Variants in CHRNB4 observed in about 807,000 individuals in gnomAD.
The protein encoded by CHRNB4 is neuronal acetylcholine receptor subunit beta-4.
A neutral mutation model predicts 40.4 loss-of-function variants in CHRNB4; 23 were observed. The observed-to-expected ratio is 0.57, with a 90% CI of 0.41 to 0.81. The LOEUF (loss-of-function observed/expected upper bound fraction) is 0.81. Among genes scored for constraint, CHRNB4 ranks in the 30% least tolerant of loss-of-function variants. The probability of loss-of-function intolerance (pLI) is 0.00; values close to 1 mark genes in which losing one functional copy is unlikely to be tolerated. For synonymous variants in CHRNB4, 285 were observed against 274.4 expected, an observed-to-expected ratio of 1.04 and a Z score of -0.38; for missense variants, 568 against 670.6, an observed-to-expected ratio of 0.85 and a Z score of 1.69.
chr15:78,653,092 A>G (rs561173241), intron 5 of CHRNB4, among the ~76,000 whole-genome samples: 8 of 152,304 alleles, frequency 5.3e-5, no homozygotes, highest in African/African-American at 1.9e-4. Flanking sequence ...AGCAGATAGC[A>G]CACCACCCCT....
At chr15:78,660,835 A>G (rs774362207), upstream of CHRNB4, 3 of 312,056 alleles carry the variant, frequency 9.6e-6, no homozygotes, top group Non-Finnish European at 1.9e-5. Context: ...GTGGGTAATT[A>G]TCTCAGCGGT....
intron 7 of CHRNB4, among the ~76,000 whole-genome samples, chr15:78,647,580 C>G (rs908089187): frequency 9.2e-5 from 14 of 151,406 alleles, no homozygotes; most frequent in Admixed American, 5.9e-4. Context: ...GGTGCAGTGG[C>G]TCACGCCTGT....
chr15:78,644,458 C>A (rs775983691), upstream of CHRNB4, among the ~76,000 whole-genome samples: 1 of 152,034 alleles, frequency 6.6e-6, no homozygotes, highest in South Asian at 2.1e-4. Flanking sequence ...TCCAGAGGAG[C>A]CAGCATTCAA....
intron 1 of CHRNB4, among the ~76,000 whole-genome samples, chr15:78,659,815 A>G (rs1380277072): frequency 1.3e-5 from 2 of 152,196 alleles, no homozygotes; most frequent in Non-Finnish European, 2.9e-5. Context: ...ATGTGACATG[A>G]TTGCTTTAAT....
chr15:78,638,571 C>A (rs1411214088), intron 1 of CHRNB4, among the ~76,000 whole-genome samples: 1 of 151,788 alleles, frequency 6.6e-6, no homozygotes, highest in Non-Finnish European at 1.5e-5. Flanking sequence ...CTGTCCCGGG[C>A]AGTGTGTGCC....
intron 6 of CHRNB4, among the ~76,000 whole-genome samples, chr15:78,652,067 G>C (rs28777080): frequency 0.017 from 2,514 of 152,300 alleles, 72 homozygotes; most frequent in African/African-American, 0.057. Context: ...GAAGGAGTTT[G>C]GTGAAGCTGG....
chr15:78,647,043 G>A (rs1168689595), intron 7 of CHRNB4, among the ~76,000 whole-genome samples: 2 of 152,118 alleles, frequency 1.3e-5, no homozygotes, highest in Admixed American at 1.3e-4. Context: ...AGGAGGCTGA[G>A]GCGGGAGGAT....
At position 78,633,399 on chromosome 15, in the gene CHRNB4, C is replaced by T. The variant is rs1443406951; in HGVS notation, c.204+2040G>A. 2.0e-5 allele frequency among the ~76,000 whole-genome samples: 3 copies of T among 152,340 alleles called. No individual in the cohort carries two copies. In the South Asian group the frequency reaches 6.2e-4, roughly 32 times the overall value. On this transcript the variant is annotated intron_variant, in intron 2 of 5. Coordinates refer to ENST00000261751, the MANE Select transcript of CHRNB4 (RefSeq NM_000750.5). ...AGGTACCCAGATTCTTTCCAACTTT[C>T]TTCTCCACCATACCTAGAGTGTGGC...
chr15:78,641,555 G>A (rs1193472440), upstream of CHRNB4, among the ~76,000 whole-genome samples: 1 of 152,210 alleles, frequency 6.6e-6, no homozygotes, highest in Non-Finnish European at 1.5e-5. Context: ...CCCTCACCTC[G>A]AAGACGCTTT....
At chr15:78,626,561 T>C (rs2053665898) in intron 5 of CHRNB4, 1 of 152,328 alleles carries the variant, frequency 6.6e-6, no homozygotes, top group African/African-American at 2.4e-5. Flanking sequence ...AAGCCGGCCA[T>C]GTGCTCAGTG....
intron 6 of CHRNB4, among the ~76,000 whole-genome samples, chr15:78,650,102 T>C (rs564209611): frequency 2.6e-5 from 4 of 152,330 alleles, no homozygotes; most frequent in South Asian, 4.1e-4. Flanking sequence ...CCCGGTCCCT[T>C]GTCTGGCCTA....
At chr15:78,657,796 C>T (rs1397559792) in intron 2 of CHRNB4, among the ~76,000 whole-genome samples, 2 of 152,020 alleles carry the variant, frequency 1.3e-5, no homozygotes, top group African/African-American at 4.8e-5. Context: ...TCATGATCTG[C>T]CCGCCTCGGC....
chr15:78,642,926 C>A (rs1394320594), upstream of CHRNB4, among the ~76,000 whole-genome samples: 5 of 152,154 alleles, frequency 3.3e-5, no homozygotes, highest in African/African-American at 1.2e-4. Context: ...TATTCTGGTG[C>A]CACTAATCTT....
At chr15:78,651,579 C>T (rs913096477) in intron 6 of CHRNB4, among the ~76,000 whole-genome samples, 2 of 152,198 alleles carry the variant, frequency 1.3e-5, no homozygotes, top group Admixed American at 6.5e-5. Flanking sequence ...AGAAGTGGAC[C>T]CCTTCTCTGA....
intron 1 of CHRNB4, 94 bp downstream of exon 1, chr15:78,640,985 G>T: frequency 7.3e-7 from 1 of 1,364,960 alleles, no homozygotes; most frequent in Non-Finnish European, 1.0e-6. Flanking sequence ...TCCCCCGGGC[G>T]CAGGGCACCC....
chr15:78,661,480 A>G (rs79817397), upstream of CHRNB4: 3,000 of 520,778 alleles, frequency 5.8e-3, 77 homozygotes, highest in African/African-American at 0.052. Flanking sequence ...ACCTGGTTGA[A>G]TATGGAGTTG....
At chr15:78,647,981 G>A (rs2054140515) in intron 7 of CHRNB4, among the ~76,000 whole-genome samples, 1 of 151,414 alleles carries the variant, frequency 6.6e-6, no homozygotes, top group African/African-American at 2.4e-5. Context: ...GTCTGAATGT[G>A]TCTCCCAAAA....
intron 2 of CHRNB4, among the ~76,000 whole-genome samples, chr15:78,633,095 C>T (rs1185475707): frequency 1.3e-5 from 2 of 152,200 alleles, no homozygotes; most frequent in Non-Finnish European, 2.9e-5. Context: ...TGTCCTCCAG[C>T]CCCCTGGCCT....
At chr15:78,633,977 G>C (rs1252683809) in intron 2 of CHRNB4, among the ~76,000 whole-genome samples, 1 of 152,036 alleles carries the variant, frequency 6.6e-6, no homozygotes, top group South Asian at 2.1e-4. Flanking sequence ...CCAGACTCTG[G>C]AGTCAATGAC....
Sources: gnomAD v4.1 joint callset for allele counts (sites outside exome capture counted in the v4.1 genomes callset) on GRCh38, gnomAD v4.1.1 for gene constraint, MANE v1.5 for transcripts, NCBI Gene and HGNC (gene_info 2026-07-23, HGNC 2026-07-21) for gene names.